Variants in DENND1B observed in about 807,000 individuals in gnomAD.
The protein encoded by DENND1B is DENN domain containing 1B.
Under a neutral mutation model 90.1 loss-of-function variants are expected in DENND1B, and 59 were observed. The observed-to-expected ratio is 0.65, with a 90% CI of 0.53 to 0.81. DENND1B has a LOEUF of 0.81. Ranked by LOEUF, DENND1B falls within the 40% of genes least tolerant of loss-of-function variation. The probability of loss-of-function intolerance (pLI) is 0.00; values close to 1 mark genes in which losing one functional copy is unlikely to be tolerated. For missense variants in DENND1B, 862 were observed against 912.6 expected (o/e 0.94, Z 0.71); for synonymous variants, 337 against 324.6 (o/e 1.04, Z -0.41).
At chr1:197,686,636 AAAGT>A (rs1264812888) in intron 3 of DENND1B, among the ~76,000 whole-genome samples, 2 of 152,216 alleles carry the variant, frequency 1.3e-5, no homozygotes, top group Non-Finnish European at 2.9e-5. Context: ...TTCAAAGATG[AAAGT>A]ACTCTGCTCC....
intron 2 of DENND1B, among the ~76,000 whole-genome samples, chr1:197,725,643 A>G (rs989640207): frequency 6.6e-6 from 1 of 152,030 alleles, no homozygotes; most frequent in Non-Finnish European, 1.5e-5. Flanking sequence ...CTTGAAAAAA[A>G]AAGTTATATT....
chr1:197,557,378 C>T (rs1234531960), intron 15 of DENND1B, among the ~76,000 whole-genome samples: 4 of 151,834 alleles, frequency 2.6e-5, no homozygotes, highest in African/African-American at 9.7e-5. Flanking sequence ...TTTGTGTTTA[C>T]TGGAAATAAT....
chr1:197,743,343 GT>G (rs769392102), intron 2 of DENND1B, among the ~76,000 whole-genome samples: 7 of 152,136 alleles, frequency 4.6e-5, no homozygotes, highest in Non-Finnish European at 1.0e-4. Context: ...TAAAAGTTAT[GT>G]TCACACTATA....
chr1:197,734,664 AACAG>A (rs1234626071), intron 2 of DENND1B: 10 of 985,178 alleles, frequency 1.0e-5, no homozygotes, highest in South Asian at 4.7e-5. Flanking sequence ...AAACCCTACA[AACAG>A]ACAGCAATTA....
At chr1:197,603,250 T>G (rs894112488) in intron 13 of DENND1B, among the ~76,000 whole-genome samples, 1 of 151,372 alleles carries the variant, frequency 6.6e-6, no homozygotes, top group Admixed American at 6.6e-5. Flanking sequence ...GATATTTCTT[T>G]AACAAGTTTA....
At position 197,511,078 on chromosome 1, in the gene DENND1B, A is replaced by T. The variant is rs914322640; in HGVS notation, c.1816-106T>A. On this transcript the variant is annotated intron_variant, in intron 22 of 22. Coordinates refer to ENST00000620048, the MANE Select transcript of DENND1B (RefSeq NM_001195215.2). ...GTTAATAGCGTTAAGTTCCTCCCAG[A>T]GAAAATACAGCATTGAGAGTCAATT... The T allele has an allele frequency of 8.8e-6, 10 of 1,131,694 alleles. No homozygotes were observed. The South Asian group carries it at 2.3e-4, about 26-fold the overall frequency. 70.1% of individuals were successfully genotyped at this position (1,131,694 alleles called of 1,614,324 possible).
chr1:197,507,169 TTATTATTATTATTA>T lies in DENND1B; in HGVS notation c.*3277_*3290del, dbSNP rs1667768460. On this transcript the variant is annotated 3_prime_UTR_variant, in exon 23 of 23. Coordinates refer to ENST00000620048, the MANE Select transcript of DENND1B (RefSeq NM_001195215.2). ...AAACACATTATTATTATTATTATTA[TTATTATTATTATTA>T]TTATTATTATTTTAATAAAAATTTG... The T allele has an allele frequency of 6.8e-6, 1 of 146,138 alleles. No individual in the cohort carries two copies. The highest frequency in any genetic ancestry group is 6.8e-5 in the Admixed American group (1 of 14,620). 9.1% of individuals were successfully genotyped at this position (146,138 alleles called of 1,614,324 possible).
chr1:197,645,065 T>C (rs934461404), intron 9 of DENND1B, among the ~76,000 whole-genome samples: 13 of 152,212 alleles, frequency 8.5e-5, no homozygotes, highest in Non-Finnish European at 1.2e-4. Flanking sequence ...AAAATACTAA[T>C]GTGTAATAAC....
intron 2 of DENND1B, among the ~76,000 whole-genome samples, chr1:197,724,790 G>T (rs953530082): frequency 6.6e-6 from 1 of 151,724 alleles, no homozygotes; most frequent in Non-Finnish European, 1.5e-5. Context: ...TTGAAAACTA[G>T]AACTTTTAAA....
intron 20 of DENND1B, among the ~76,000 whole-genome samples, chr1:197,513,873 T>C (rs1668213307): frequency 1.3e-5 from 2 of 151,646 alleles, no homozygotes; most frequent in Admixed American, 1.3e-4. Context: ...TATCCTGTCC[T>C]CACTTCCTAT....
intron 2 of DENND1B, among the ~76,000 whole-genome samples, chr1:197,745,845 CCTTT>C (rs993627591): frequency 3.3e-5 from 5 of 151,652 alleles, no homozygotes; most frequent in African/African-American, 1.2e-4. Flanking sequence ...ACATTCTGCC[CCTTT>C]CTTTATTGTA....
chr1:197,522,255 T>C (rs1668830428), intron 20 of DENND1B, among the ~76,000 whole-genome samples: 1 of 152,092 alleles, frequency 6.6e-6, no homozygotes, highest in African/African-American at 2.4e-5. Context: ...TGGAAGATTA[T>C]CAAGATACGT....
intron 2 of DENND1B, among the ~76,000 whole-genome samples, chr1:197,739,241 C>T (rs958062305): frequency 1.3e-5 from 2 of 152,324 alleles, no homozygotes; most frequent in Non-Finnish European, 2.9e-5. Flanking sequence ...ACAAAATCAG[C>T]ACTGGACTGA....
intron 6 of DENND1B, among the ~76,000 whole-genome samples, chr1:197,656,126 C>A (rs1460898538): frequency 6.6e-6 from 1 of 151,892 alleles, no homozygotes; most frequent in Non-Finnish European, 1.5e-5. Flanking sequence ...GAAAGTTCAT[C>A]TTGAAGAGAA....
At chr1:197,707,698 T>C (rs910040486) in intron 3 of DENND1B, among the ~76,000 whole-genome samples, 1 of 146,218 alleles carries the variant, frequency 6.8e-6, no homozygotes, top group Admixed American at 6.9e-5. Context: ...TATAATATAA[T>C]TATTATATTA....
intron 20 of DENND1B, among the ~76,000 whole-genome samples, chr1:197,513,424 T>C (rs150278093): frequency 1.3e-5 from 2 of 151,714 alleles, no homozygotes; most frequent in Admixed American, 1.3e-4. Context: ...TAGGGACTTA[T>C]AAAAATGTAA....
intron 10 of DENND1B, among the ~76,000 whole-genome samples, chr1:197,640,472 C>CAA (rs764461153): frequency 3.3e-5 from 3 of 91,300 alleles, no homozygotes; most frequent in Non-Finnish European, 7.0e-5. Context: ...GACTCTGTCT[C>CAA]AAAAAAAAAA....
intron 3 of DENND1B, among the ~76,000 whole-genome samples, chr1:197,681,266 A>G (rs1306221711): frequency 6.6e-6 from 1 of 152,154 alleles, no homozygotes; most frequent in Non-Finnish European, 1.5e-5. Flanking sequence ...AACTACTTCT[A>G]TCTAACCAAA....
chr1:197,602,811 T>C (rs899905692), intron 13 of DENND1B, among the ~76,000 whole-genome samples: 1 of 151,532 alleles, frequency 6.6e-6, no homozygotes, highest in African/African-American at 2.4e-5. Context: ...CACTTGAATG[T>C]AGATATTCAA....
Sources: allele counts gnomAD v4.1 joint callset (sites outside exome capture counted in the v4.1 genomes callset), GRCh38; gene constraint gnomAD v4.1.1; transcripts MANE v1.5; gene names NCBI Gene and HGNC (gene_info 2026-07-23, HGNC 2026-07-21).